FAM13A: variants seen among roughly 807,000 people sequenced by gnomAD.
FAM13A encodes the protein protein FAM13A.
A neutral mutation model predicts 129.6 loss-of-function variants in FAM13A; 76 were observed. That is an observed-to-expected ratio of 0.59 (90% CI 0.49 to 0.71). The LOEUF (loss-of-function observed/expected upper bound fraction) is 0.71, where lower values mean the gene tolerates loss of function less well. Among genes scored for constraint, FAM13A ranks in the 30% least tolerant of loss-of-function variants. The pLI, the probability that FAM13A is intolerant of heterozygous loss-of-function variation, is 0.00. For missense variants in FAM13A, 1,108 were observed against 1,249.3 expected (o/e 0.89, Z 1.70); for synonymous variants, 443 against 449.9 (o/e 0.98, Z 0.20).
chr4:88,945,990 G>GTGTGTGTGTATATATATATATA, intron 4 of FAM13A, among the ~76,000 whole-genome samples: 40 of 61,888 alleles, frequency 6.5e-4, no homozygotes, highest in Middle Eastern at 0.01. Context: ...GTGTGTGTGT[G>GTGTGTGTGTATATATATATATA]TATATATATA....
At chr4:88,806,292 A>G (rs1728543584) in intron 7 of FAM13A, among the ~76,000 whole-genome samples, 1 of 152,220 alleles carries the variant, frequency 6.6e-6, no homozygotes, top group Non-Finnish European at 1.5e-5. Context: ...TTCCTCTTGG[A>G]TATCACCTGG....
At chr4:88,917,381 C>T (rs1054841870) in intron 5 of FAM13A, among the ~76,000 whole-genome samples, 4 of 151,986 alleles carry the variant, frequency 2.6e-5, no homozygotes, top group African/African-American at 7.3e-5. Context: ...GAGGAATCCA[C>T]CCCCATGACC....
At chr4:89,016,719 T>C (rs1795729) in intron 3 of FAM13A, among the ~76,000 whole-genome samples, 86,375 of 151,974 alleles carry the variant, frequency 0.57, 25,025 homozygotes, top group South Asian at 0.74. Context: ...ACTGCAGCCT[T>C]GACTTTCTAG....
At chr4:88,738,394 G>C (rs1265568660) in intron 20 of FAM13A, among the ~76,000 whole-genome samples, 2 of 152,180 alleles carry the variant, frequency 1.3e-5, no homozygotes. Context: ...TGAGGGATGG[G>C]AGCAGGTGGC....
At chr4:88,987,112 A>G (rs902863979) in intron 4 of FAM13A, among the ~76,000 whole-genome samples, 1 of 152,224 alleles carries the variant, frequency 6.6e-6, no homozygotes, top group Admixed American at 6.5e-5. Flanking sequence ...GCCAGCCTAA[A>G]GGGACTCCCA....
intron 1 of FAM13A, among the ~76,000 whole-genome samples, chr4:89,031,764 A>T (rs1768709249): frequency 6.6e-6 from 1 of 152,204 alleles, no homozygotes; most frequent in Non-Finnish European, 1.5e-5. Context: ...TATTCTGATG[A>T]CCTAATAACT....
intron 20 of FAM13A, among the ~76,000 whole-genome samples, chr4:88,738,506 G>A (rs1160911910): frequency 3.9e-5 from 6 of 152,050 alleles, no homozygotes; most frequent in African/African-American, 1.4e-4. Flanking sequence ...AAGGATGGTG[G>A]CCACTGACAG....
chr4:88,844,291 T>A (rs1470483382), intron 7 of FAM13A, among the ~76,000 whole-genome samples: 1 of 152,156 alleles, frequency 6.6e-6, no homozygotes, highest in Non-Finnish European at 1.5e-5. Flanking sequence ...TAGGAAATAA[T>A]AGTGAAATAA....
intron 4 of FAM13A, among the ~76,000 whole-genome samples, chr4:88,976,278 T>C (rs569676859): frequency 1.3e-5 from 2 of 152,286 alleles, no homozygotes; most frequent in Admixed American, 1.3e-4. Flanking sequence ...TGTTATTGCT[T>C]AATCACTGCA....
At chr4:88,728,764 A>G (rs1266476844) in intron 23 of FAM13A, 105 bp from the exon 24 acceptor site, 1 of 1,367,776 alleles carries the variant, frequency 7.3e-7, no homozygotes, top group Non-Finnish European at 1.0e-6. Flanking sequence ...CAGTTTATCA[A>G]CTTGTAGAAT....
At chr4:88,730,710 C>A (rs1258171421) in intron 23 of FAM13A, among the ~76,000 whole-genome samples, 1 of 152,132 alleles carries the variant, frequency 6.6e-6, no homozygotes, top group Non-Finnish European at 1.5e-5. Flanking sequence ...GATTTTCATA[C>A]ATATTTTTCA....
At position 89,031,194 on chromosome 4, in the gene FAM13A, T is replaced by C. The variant is rs188052293; in HGVS notation, c.28-1545A>G. 1.4e-4 allele frequency among the ~76,000 whole-genome samples: 22 copies of C among 152,246 alleles called. No homozygotes were observed. In the East Asian group the frequency reaches 3.9e-3, roughly 27 times the overall value. On this transcript the variant is annotated intron_variant, in intron 1 of 23. Coordinates refer to ENST00000264344, the MANE Select transcript of FAM13A (RefSeq NM_014883.4). ...TATAAATGTATCAATCTCCTTCAACTGAATCCATGGGAAATTTCAACCAGG... is the reference window on the plus strand; with the variant it reads ...TATAAATGTATCAATCTCCTTCAACCGAATCCATGGGAAATTTCAACCAGG...
At chr4:88,972,459 G>A (rs1197625084) in intron 4 of FAM13A, among the ~76,000 whole-genome samples, 2 of 151,458 alleles carry the variant, frequency 1.3e-5, no homozygotes, top group South Asian at 2.1e-4. Flanking sequence ...GTGCCACCAC[G>A]CCTGGCTAAT....
intron 7 of FAM13A, among the ~76,000 whole-genome samples, chr4:88,838,150 T>A (rs1021173566): frequency 1.3e-5 from 2 of 151,742 alleles, no homozygotes; most frequent in African/African-American, 4.9e-5. Context: ...GGACTTAAGT[T>A]GTCCATGAAT....
At chr4:88,835,194 C>A (rs565290615) in intron 7 of FAM13A, among the ~76,000 whole-genome samples, 1 of 152,138 alleles carries the variant, frequency 6.6e-6, no homozygotes, top group Non-Finnish European at 1.5e-5. Context: ...TGCCCCCTAT[C>A]GTGCCCTGCT....
chr4:88,799,836 G>C (rs777392727), intron 8 of FAM13A, among the ~76,000 whole-genome samples: 3 of 152,158 alleles, frequency 2.0e-5, no homozygotes, highest in Non-Finnish European at 4.4e-5. Flanking sequence ...CAAGGACTTG[G>C]ACAGATATTT....
At chr4:88,822,816 A>G (rs1441089778) in intron 7 of FAM13A, among the ~76,000 whole-genome samples, 1 of 152,234 alleles carries the variant, frequency 6.6e-6, no homozygotes, top group African/African-American at 2.4e-5. Flanking sequence ...GAGCAGTATA[A>G]TATTTAATTT....
At position 88,938,164 on chromosome 4, in the gene FAM13A, T is replaced by C. The variant is rs139856026; in HGVS notation, c.683A>G (p.Asn228Ser). 45 of 1,613,364 alleles carry C rather than the reference T, an allele frequency of 2.8e-5. No individual in the cohort carries two copies. In the African/African-American group the frequency reaches 2.8e-4, roughly 10 times the overall value. Residue 228 changes from asparagine to serine, a missense_variant, in exon 5 of 24, where the codon AAT becomes AGT. Physicochemically the swap from Asn to Ser is conservative, Grantham distance 46. This residue lies in a region of FAM13A where 566 missense variants were observed against 595.7 expected (regional missense o/e 0.95). Transcript: ENST00000264344. ...TGTATACTCTACTTCAAACAGGGTA[T>C]TGTAATTTTCTAGAATTTTAGCCAT... ...KIMAKILENYNTLFEVEYTEN... is the reference protein window; with the variant it reads ...KIMAKILENYSTLFEVEYTEN...
chr4:89,001,832 G>C (rs1386553665), intron 3 of FAM13A, among the ~76,000 whole-genome samples: 1 of 152,102 alleles, frequency 6.6e-6, no homozygotes, highest in African/African-American at 2.4e-5. Context: ...GTACAAATTA[G>C]CTTATTAAAT....
Sources: gnomAD v4.1 joint callset for allele counts (sites outside exome capture counted in the v4.1 genomes callset) on GRCh38, gnomAD v4.1.1 for gene constraint, gnomAD v4.1.1 regional missense constraint, MANE v1.5 for transcripts, NCBI Gene and HGNC (gene_info 2026-07-23, HGNC 2026-07-21) for gene names.